Variants in NLGN1 observed in about 807,000 individuals in gnomAD.
The protein encoded by NLGN1 is neuroligin 1, also known as neuroligin-1.
In NLGN1, 12 loss-of-function variants were observed where a neutral mutation model predicts 65.5. The ratio of observed to expected loss-of-function variants is 0.18; its 90% CI spans 0.12 to 0.30. The LOEUF is 0.30. Ranked by LOEUF, NLGN1 falls within the 10% of genes least tolerant of loss-of-function variation. The pLI, the probability that NLGN1 is intolerant of heterozygous loss-of-function variation, is 1.00. For synonymous variants in NLGN1, 350 were observed against 359.5 expected (o/e 0.97, Z 0.30); for missense variants, 750 against 1,007.1 (o/e 0.74, Z 3.46).
At chr3:173,625,383 G>C (rs751933010) in intron 3 of NLGN1, among the ~76,000 whole-genome samples, 1 of 152,040 alleles carries the variant, frequency 6.6e-6, no homozygotes, top group Non-Finnish European at 1.5e-5. Flanking sequence ...ATCCTGGTAC[G>C]TCTGCTTAGA....
At chr3:174,024,045 G>A (rs1728318004) in intron 4 of NLGN1, among the ~76,000 whole-genome samples, 1 of 150,650 alleles carries the variant, frequency 6.6e-6, no homozygotes, top group Admixed American at 6.7e-5. Flanking sequence ...GTAGAGAGAA[G>A]CGAAAGCTAG....
chr3:173,729,514 A>G (rs74648736), intron 3 of NLGN1, among the ~76,000 whole-genome samples: 8 of 152,050 alleles, frequency 5.3e-5, no homozygotes, highest in African/African-American at 1.2e-4. Context: ...TTTAAAATAC[A>G]CACACTTACA....
intron 4 of NLGN1, among the ~76,000 whole-genome samples, chr3:173,848,028 A>G (rs977648202): frequency 6.6e-6 from 1 of 152,132 alleles, no homozygotes; most frequent in Admixed American, 6.6e-5. Context: ...CTTGCCACCT[A>G]TTTTGTTAAT....
At chr3:173,447,495 A>G (rs1255877007) in intron 2 of NLGN1, among the ~76,000 whole-genome samples, 8 of 152,104 alleles carry the variant, frequency 5.3e-5, no homozygotes, top group African/African-American at 1.7e-4. Flanking sequence ...AAGTCAGGTA[A>G]CGTGATGCCT....
chr3:174,017,316 G>A (rs1176371608), intron 4 of NLGN1, among the ~76,000 whole-genome samples: 2 of 152,064 alleles, frequency 1.3e-5, no homozygotes, highest in East Asian at 1.9e-4. Flanking sequence ...GTTGCTTTTT[G>A]AACATTTTAT....
chr3:173,980,899 T>C (rs1329379139), intron 4 of NLGN1, among the ~76,000 whole-genome samples: 1 of 152,174 alleles, frequency 6.6e-6, no homozygotes, highest in African/African-American at 2.4e-5. Context: ...TTGGAGAAAT[T>C]AATACTTTGT....
chr3:174,056,412 T>C (rs996682265), intron 4 of NLGN1, among the ~76,000 whole-genome samples: 9 of 152,028 alleles, frequency 5.9e-5, no homozygotes, highest in African/African-American at 2.2e-4. Context: ...TTTCATTGAA[T>C]TGTATGTCAT....
At chr3:174,223,393 G>GT (rs1194021179) in intron 4 of NLGN1, among the ~76,000 whole-genome samples, 6 of 152,192 alleles carry the variant, frequency 3.9e-5, no homozygotes, top group Non-Finnish European at 5.9e-5. Context: ...ACACGATTAA[G>GT]TTTCTGACAA....
rs116799131 is a variant in NLGN1, at chr3:173,961,616, A to G, written c.646+153784A>G. Among the ~76,000 whole-genome samples the G allele has an allele frequency of 4.2e-3, 636 of 152,176 alleles. 7 individuals carry two copies. Among genetic ancestry groups the G allele is most frequent in the African/African-American group, 0.014 (589 of 41,528 alleles). On this transcript the variant is annotated intron_variant, in intron 4 of 6. Coordinates refer to ENST00000457714, the Ensembl canonical transcript of NLGN1. ...CATAGGTGTTAAGTATAAAGTGGGTATAACTCTGTGTAATCTTAAAGAAAA... is the reference window on the plus strand; with the variant it reads ...CATAGGTGTTAAGTATAAAGTGGGTGTAACTCTGTGTAATCTTAAAGAAAA...
intron 2 of NLGN1, among the ~76,000 whole-genome samples, chr3:173,469,152 T>A (rs1355031451): frequency 6.6e-6 from 1 of 152,164 alleles, no homozygotes; most frequent in Non-Finnish European, 1.5e-5. Context: ...TTGTAAAGCC[T>A]TAATTTTTAA....
At chr3:173,633,667 G>T (rs1186319930) in intron 3 of NLGN1, among the ~76,000 whole-genome samples, 1 of 152,102 alleles carries the variant, frequency 6.6e-6, no homozygotes, top group Non-Finnish European at 1.5e-5. Context: ...GAGAAGGTAG[G>T]CCAGCCCTTT....
intron 2 of NLGN1, among the ~76,000 whole-genome samples, chr3:173,458,186 A>G (rs1428278930): frequency 6.6e-6 from 1 of 152,058 alleles, no homozygotes; most frequent in Non-Finnish European, 1.5e-5. Context: ...GTGGGAAGAA[A>G]CAGAGGGTGA....
In NLGN1 at chr3:173,761,483, A is replaced by C. The variant is rs148815504; in HGVS notation, c.494-46197A>C. ...GTGATTCCAAAATACAGTTCAACTG[A>C]GGTAAAAACTGAAAGATTCTGATGA... On this transcript the variant is annotated intron_variant, in intron 3 of 6. Coordinates refer to ENST00000457714, the Ensembl canonical transcript of NLGN1. 3.1e-3 allele frequency among the ~76,000 whole-genome samples: 478 copies of C among 152,176 alleles called. 7 individuals are homozygous for C. The highest frequency in any genetic ancestry group is 0.011 in the African/African-American group (440 of 41,554).
At chr3:174,108,056 G>T (rs556026586) in intron 4 of NLGN1, among the ~76,000 whole-genome samples, 1 of 151,970 alleles carries the variant, frequency 6.6e-6, no homozygotes, top group African/African-American at 2.4e-5. Flanking sequence ...ATTTCGTTAA[G>T]TATGAAGTTT....
At chr3:174,117,892 T>TTAACATAC (rs1165594698) in intron 4 of NLGN1, among the ~76,000 whole-genome samples, 1 of 152,206 alleles carries the variant, frequency 6.6e-6, no homozygotes, top group Non-Finnish European at 1.5e-5. Context: ...CATACAATCT[T>TTAACATAC]AACAGACACT....
intron 2 of NLGN1, among the ~76,000 whole-genome samples, chr3:173,583,180 CTTCAGATTA>C (rs199847442): frequency 0.011 from 1,695 of 152,256 alleles, 38 homozygotes; most frequent in African/African-American, 0.039. Context: ...GAACCTTTTT[CTTCAGATTA>C]TTCAGATTAT....
chr3:174,063,316 G>A (rs1252355178), intron 4 of NLGN1, among the ~76,000 whole-genome samples: 1 of 152,128 alleles, frequency 6.6e-6, no homozygotes, highest in Non-Finnish European at 1.5e-5. Flanking sequence ...AACTGGCAAA[G>A]TTCATCACTG....
chr3:174,273,339 T>TTCTA (rs370435344), intron 4 of NLGN1, among the ~76,000 whole-genome samples: 2,617 of 151,776 alleles, frequency 0.017, 24 homozygotes, highest in Admixed American at 0.025. Flanking sequence ...TCAAGAGTTT[T>TTCTA]TCTATCTAAT....
intron 1 of NLGN1, among the ~76,000 whole-genome samples, chr3:173,408,775 G>A (rs1711844072): frequency 6.6e-6 from 1 of 152,072 alleles, no homozygotes; most frequent in South Asian, 2.1e-4. Context: ...AGCTGGGCGT[G>A]GTGGCGGGTG....
Sources: gnomAD v4.1 joint callset for allele counts (sites outside exome capture counted in the v4.1 genomes callset) on GRCh38, gnomAD v4.1.1 for gene constraint, MANE v1.5 for transcripts, NCBI Gene and HGNC (gene_info 2026-07-23, HGNC 2026-07-21) for gene names.